Variants in MTHFD1L observed in about 807,000 individuals in gnomAD.
MTHFD1L encodes the protein monofunctional C1-tetrahydrofolate synthase, mitochondrial.
Under a neutral mutation model 119.5 loss-of-function variants are expected in MTHFD1L, and 81 were observed. The observed-to-expected ratio is 0.68, with a 90% confidence interval of 0.57 to 0.82. The LOEUF is 0.82. Ranked by LOEUF, MTHFD1L falls within the 40% of genes least tolerant of loss-of-function variation. MTHFD1L has a pLI of 0.00. For missense variants in MTHFD1L, 1,125 were observed against 1,253.4 expected (o/e 0.90, Z 1.55); for synonymous variants, 430 against 475.2 (o/e 0.90, Z 1.24).
chr6:151,075,196 T>A (rs1792368466), intron 26 of MTHFD1L, among the ~76,000 whole-genome samples: 1 of 152,020 alleles, frequency 6.6e-6, no homozygotes, highest in African/African-American at 2.4e-5. Context: ...AATACACTAA[T>A]TAAAATGCAA....
At chr6:150,956,963 G>A (rs571888000) in intron 17 of MTHFD1L, among the ~76,000 whole-genome samples, 29 of 152,238 alleles carry the variant, frequency 1.9e-4, no homozygotes, top group African/African-American at 6.5e-4. Flanking sequence ...TAGCAAACTG[G>A]AATCATTGCC....
intron 26 of MTHFD1L, among the ~76,000 whole-genome samples, chr6:151,049,491 C>CAAAA (rs61344944): frequency 1.2e-5 from 1 of 85,984 alleles, no homozygotes; most frequent in Non-Finnish European, 2.3e-5. Context: ...GACTCCGTCT[C>CAAAA]AAAAAAAAAA....
At chr6:150,986,516 A>G (rs1008610355) in intron 20 of MTHFD1L, among the ~76,000 whole-genome samples, 11 of 152,198 alleles carry the variant, frequency 7.2e-5, no homozygotes, top group Admixed American at 6.5e-5. Flanking sequence ...ACCTCAGATC[A>G]TAAGGCGTGG....
chr6:150,947,137 G>T (rs1736730110), intron 15 of MTHFD1L, among the ~76,000 whole-genome samples: 1 of 148,004 alleles, frequency 6.8e-6, no homozygotes, highest in Non-Finnish European at 1.5e-5. Context: ...TTGCTCTGTT[G>T]CTCAGGCTGG....
At chr6:151,047,189 A>G (rs117838210) in intron 26 of MTHFD1L, among the ~76,000 whole-genome samples, 4,049 of 152,320 alleles carry the variant, frequency 0.027, 121 homozygotes, top group Admixed American at 0.092. Context: ...AAAAAGAGTT[A>G]AGTTATGCAG....
At chr6:151,068,171 G>A (rs1159521648) in intron 26 of MTHFD1L, among the ~76,000 whole-genome samples, 1 of 152,264 alleles carries the variant, frequency 6.6e-6, no homozygotes, top group Non-Finnish European at 1.5e-5. Context: ...GATCACAGCA[G>A]TGTGTTTTGA....
At chr6:150,994,340 C>T (rs1483231187) in intron 20 of MTHFD1L, among the ~76,000 whole-genome samples, 2 of 152,152 alleles carry the variant, frequency 1.3e-5, no homozygotes, top group Non-Finnish European at 2.9e-5. Flanking sequence ...GGTTACATCT[C>T]ATCAGTGACC....
At chr6:151,004,267 G>A (rs1170521079) in intron 20 of MTHFD1L, among the ~76,000 whole-genome samples, 1 of 152,128 alleles carries the variant, frequency 6.6e-6, no homozygotes, top group Non-Finnish European at 1.5e-5. Flanking sequence ...GGAGGTTGCA[G>A]TGAGCCAAGA....
chr6:150,919,013 G>A (rs1369893076), intron 9 of MTHFD1L, among the ~76,000 whole-genome samples: 1 of 152,024 alleles, frequency 6.6e-6, no homozygotes, highest in Non-Finnish European at 1.5e-5. Context: ...TAGGTGGTAT[G>A]TTAGTCCATT....
At chr6:151,069,271 C>CTT (rs1791688751) in intron 26 of MTHFD1L, among the ~76,000 whole-genome samples, 1 of 151,454 alleles carries the variant, frequency 6.6e-6, no homozygotes, top group African/African-American at 2.4e-5. Flanking sequence ...CTCTCTCTCT[C>CTT]TCTCTCTCTC....
chr6:151,005,061 C>A (rs1040559966), intron 20 of MTHFD1L, among the ~76,000 whole-genome samples: 4 of 152,022 alleles, frequency 2.6e-5, no homozygotes, highest in Non-Finnish European at 2.9e-5. Flanking sequence ...TTGTTAAGAA[C>A]TGCAAATATG....
intron 26 of MTHFD1L, among the ~76,000 whole-genome samples, chr6:151,048,918 C>G (rs189832850): frequency 6.6e-6 from 1 of 152,318 alleles, no homozygotes; most frequent in East Asian, 1.9e-4. Flanking sequence ...CAGGTGTCCT[C>G]TTATTCAATT....
At chr6:151,084,270 G>T (rs915770544) in intron 26 of MTHFD1L, among the ~76,000 whole-genome samples, 4 of 152,186 alleles carry the variant, frequency 2.6e-5, no homozygotes, top group Admixed American at 6.5e-5. Context: ...GTGGATATTT[G>T]GCCCGGAACT....
chr6:151,035,627 A>G (rs1207597092), intron 25 of MTHFD1L, among the ~76,000 whole-genome samples: 1 of 152,180 alleles, frequency 6.6e-6, no homozygotes, highest in Non-Finnish European at 1.5e-5. Context: ...TTCATGTGCA[A>G]TGAACCAAGT....
intron 16 of MTHFD1L, 127 bp downstream of exon 16, chr6:150,949,260 T>C: frequency 1.4e-6 from 1 of 692,174 alleles, no homozygotes; most frequent in Non-Finnish European, 2.5e-6. Flanking sequence ...TGCTTCATAT[T>C]CCCACCATTT....
At chr6:151,080,376 C>A (rs934088698) in intron 26 of MTHFD1L, among the ~76,000 whole-genome samples, 1 of 152,070 alleles carries the variant, frequency 6.6e-6, no homozygotes, top group Non-Finnish European at 1.5e-5. Context: ...AGCAGTGTTG[C>A]GGGTATCAGG....
rs772010764 is a variant in MTHFD1L, at chr6:150,960,388, C to T, written c.1917C>T (p.Ser639=). 23 of 1,612,276 alleles carry T rather than the reference C, an allele frequency of 1.4e-5. No individual in the cohort carries two copies. The South Asian group carries it at 1.7e-4, about 12-fold the overall frequency. Residue 639 remains serine, a synonymous_variant, in exon 18 of 28, where the codon AGC becomes AGT. Transcript: ENST00000367321. ...LGRMVVASDK[S]GQPVTADDLG... ...GGATGGTGGTGGCCAGTGACAAAAG[C>T]GGGCAGCCTGTGACAGCAGATGATT...
At chr6:151,063,269 G>C (rs1191569125) in intron 26 of MTHFD1L, among the ~76,000 whole-genome samples, 1 of 152,068 alleles carries the variant, frequency 6.6e-6, no homozygotes, top group Non-Finnish European at 1.5e-5. Context: ...TCATCAAGTA[G>C]GTGTCAAGTA....
chr6:150,960,313 G>T lies in MTHFD1L; in HGVS notation c.1842G>T (p.Ala614=). The change falls in exon 18 of 28, where the codon GCG becomes GCT. Residue 614 remains alanine, a synonymous_variant. Coordinates refer to ENST00000367321, the MANE Select transcript of MTHFD1L (RefSeq NM_015440.5). ...FDIAVASEIM[A]VLALTDSLAD... ...TCGCAGTGGCCAGCGAGATCATGGC[G>T]GTGCTGGCCCTGACGGACAGCCTCG... The T allele has an allele frequency of 6.2e-7, 1 of 1,614,008 alleles. No homozygotes were observed. The highest frequency in any genetic ancestry group is 8.5e-7 in the Non-Finnish European group (1 of 1,179,954).
Sources: gnomAD v4.1 joint callset for allele counts (sites outside exome capture counted in the v4.1 genomes callset) on GRCh38, gnomAD v4.1.1 for gene constraint, MANE v1.5 for transcripts, NCBI Gene and HGNC (gene_info 2026-07-23, HGNC 2026-07-21) for gene names.